STXBP5L: variants seen among roughly 807,000 people sequenced by gnomAD.
The protein encoded by STXBP5L is syntaxin-binding protein 5-like.
STXBP5L carries 65 observed loss-of-function variants against 144.5 expected under a neutral mutation model. The observed-to-expected ratio is 0.45, with a 90% CI of 0.37 to 0.55. The LOEUF is 0.55. Ranked by LOEUF, STXBP5L falls within the 20% of genes least tolerant of loss-of-function variation. STXBP5L has a pLI of 0.00. For missense variants in STXBP5L, 1,298 were observed against 1,405.5 expected, an observed-to-expected ratio of 0.92 and a Z score of 1.22; for synonymous variants, 505 against 469.6, an observed-to-expected ratio of 1.08 and a Z score of -0.97.
chr3:121,114,968 G>C lies in STXBP5L; in HGVS notation c.514G>C (p.Val172Leu). Reference sequence around the variant, plus strand: ...ACCTTTCCAGAGTAAATGGCTTTATGTTGGAACAGAAAGAGGAAATACACA... The same window carrying C: ...ACCTTTCCAGAGTAAATGGCTTTATCTTGGAACAGAAAGAGGAAATACACA... ...HLPFQSKWLY[V>L]GTERGNTHIV... Residue 172 changes from valine to leucine, a missense_variant, in exon 6 of 27, where the codon GTT (valine) becomes CTT (leucine). Val to Leu is a conservative substitution (Grantham distance 32). Transcript: ENST00000471454. The C allele has an allele frequency of 6.3e-7, 1 of 1,597,568 alleles. No homozygotes were observed. Among genetic ancestry groups the C allele is most frequent in the Non-Finnish European group, 8.5e-7 (1 of 1,173,422 alleles).
At chr3:120,995,041 C>A (rs1234005785) in intron 3 of STXBP5L, among the ~76,000 whole-genome samples, 1 of 152,020 alleles carries the variant, frequency 6.6e-6, no homozygotes, top group African/African-American at 2.4e-5. Context: ...ATTTCCTCAA[C>A]CTACTTTTAA....
chr3:121,030,274 A>C (rs749323209), intron 3 of STXBP5L, among the ~76,000 whole-genome samples: 9 of 152,220 alleles, frequency 5.9e-5, no homozygotes, highest in Non-Finnish European at 1.2e-4. Context: ...ACTCGGAACC[A>C]ACCCAAATGC....
chr3:121,007,779 A>G (rs1402105303), intron 3 of STXBP5L, among the ~76,000 whole-genome samples: 1 of 152,046 alleles, frequency 6.6e-6, no homozygotes, highest in Admixed American at 6.6e-5. Context: ...CCCTGCCTGC[A>G]TAGAAATTGT....
At chr3:121,195,253 C>G (rs1283132609) in intron 9 of STXBP5L, among the ~76,000 whole-genome samples, 2 of 152,054 alleles carry the variant, frequency 1.3e-5, no homozygotes, top group African/African-American at 4.8e-5. Flanking sequence ...ATGTTAGTTT[C>G]TCTTCTTGTC....
chr3:121,191,309 T>G (rs1312822605), intron 9 of STXBP5L, among the ~76,000 whole-genome samples: 1 of 152,174 alleles, frequency 6.6e-6, no homozygotes, highest in Non-Finnish European at 1.5e-5. Context: ...AGGCTGAGGC[T>G]GGCAGATCAC....
intron 5 of STXBP5L, among the ~76,000 whole-genome samples, chr3:121,078,397 T>A (rs146885869): frequency 2.4e-4 from 36 of 152,342 alleles, no homozygotes; most frequent in African/African-American, 8.2e-4. Flanking sequence ...CCAATTGGTG[T>A]GTTTACAATC....
chr3:121,029,428 G>A (rs150132722), intron 3 of STXBP5L, among the ~76,000 whole-genome samples: 18,257 of 152,060 alleles, frequency 0.12, 1,151 homozygotes, highest in Non-Finnish European at 0.14. Context: ...CAAGAAATGG[G>A]GAAAGGATTC....
intron 3 of STXBP5L, among the ~76,000 whole-genome samples, chr3:121,013,996 T>C (rs1207751129): frequency 2.6e-5 from 4 of 152,128 alleles, no homozygotes; most frequent in Admixed American, 2.6e-4. Flanking sequence ...CATTGGTCTG[T>C]ATGTCTGTTT....
chr3:121,067,279 G>A (rs901004148), intron 5 of STXBP5L, among the ~76,000 whole-genome samples: 4 of 151,824 alleles, frequency 2.6e-5, no homozygotes, highest in Admixed American at 2.0e-4. Flanking sequence ...TGACTTTAGG[G>A]CCATAATTTT....
chr3:121,049,260 G>A (rs924751523), intron 5 of STXBP5L, among the ~76,000 whole-genome samples: 1 of 152,140 alleles, frequency 6.6e-6, no homozygotes, highest in African/African-American at 2.4e-5. Context: ...CAGTGGGGAA[G>A]GTTGTAGGGC....
chr3:121,366,314 G>A (rs1247373538), intron 20 of STXBP5L, among the ~76,000 whole-genome samples: 1 of 151,796 alleles, frequency 6.6e-6, no homozygotes, highest in Non-Finnish European at 1.5e-5. Flanking sequence ...TCTTACTTCT[G>A]TCTGGTTGGT....
At position 121,402,751 on chromosome 3, in the gene STXBP5L, A is replaced by G. The variant is rs189734779; in HGVS notation, c.2588-4492A>G. Among the ~76,000 whole-genome samples the G allele has an allele frequency of 4.2e-4, 64 of 152,226 alleles. 1 individual carries two copies. Among genetic ancestry groups the G allele is most frequent in the African/African-American group, 1.5e-3 (64 of 41,544 alleles). On this transcript the variant is annotated intron_variant, in intron 22 of 26. Coordinates refer to ENST00000471454, the MANE Select transcript of STXBP5L (RefSeq NM_001308330.2). ...CTAGGTAATCATACTATATTTTCCT[A>G]GTCCTTGCCCCTGCACTCCTGGACA...
chr3:121,076,755 C>A (rs1364911077), intron 5 of STXBP5L, among the ~76,000 whole-genome samples: 2 of 152,118 alleles, frequency 1.3e-5, no homozygotes, highest in African/African-American at 4.8e-5. Context: ...CCATTAAAAC[C>A]TTTTTTAAAG....
At chr3:121,046,312 G>T (rs1947513607) in intron 5 of STXBP5L, among the ~76,000 whole-genome samples, 1 of 152,048 alleles carries the variant, frequency 6.6e-6, no homozygotes, top group Non-Finnish European at 1.5e-5. Flanking sequence ...AAGGATATTG[G>T]CCTGAAGATT....
rs886998984 is a variant in STXBP5L at position 121,222,250 on chromosome 3, G to T, written c.957-753G>T. On this transcript the variant is annotated intron_variant, in intron 10 of 26. Transcript: ENST00000471454. ...AATGAAAAATGAAAAACTGTGAAAT[G>T]ACTTCATAATTTTCAGATAGCTATA... Among the ~76,000 whole-genome samples, 4 of 152,048 alleles carry T rather than the reference G, an allele frequency of 2.6e-5. No individual in the cohort carries two copies. The East Asian group carries it at 7.7e-4, about 29-fold the overall frequency.
In STXBP5L at chr3:121,420,497, C is replaced by T. The variant is rs928870521; in HGVS notation, c.*1400C>T. On this transcript the variant is annotated 3_prime_UTR_variant, in exon 27 of 27. Transcript: ENST00000471454. The stretch of plus-strand genomic sequence containing the variant: ...TTTTAAAGCTGGAATAAAGAATATC[C>T]TTAACATGATACAAGGTATCTATAA... The T allele has an allele frequency of 4.6e-5, 7 of 151,988 alleles. No individual in the cohort carries two copies. The highest frequency in any genetic ancestry group is 1.2e-4 in the African/African-American group (5 of 41,380). The allele number at this position is 151,988 out of a possible 1,614,324, so 9.4% of individuals were successfully genotyped here. A position where few individuals can be genotyped will look rare whatever the true frequency, so the allele number is the denominator to read the frequency against.
At chr3:121,006,488 G>C (rs1369969402) in intron 3 of STXBP5L, among the ~76,000 whole-genome samples, 1 of 152,102 alleles carries the variant, frequency 6.6e-6, no homozygotes, top group Non-Finnish European at 1.5e-5. Flanking sequence ...CACACTGATG[G>C]ATCTTGACTC....
At chr3:120,949,231 T>G (rs989003086) in intron 2 of STXBP5L, among the ~76,000 whole-genome samples, 3 of 152,002 alleles carry the variant, frequency 2.0e-5, no homozygotes, top group African/African-American at 2.4e-5. Context: ...TTCATGTCCT[T>G]TGCCCAATTT....
intron 20 of STXBP5L, among the ~76,000 whole-genome samples, chr3:121,377,391 G>C (rs942738842): frequency 3.3e-5 from 5 of 152,154 alleles, no homozygotes; most frequent in Non-Finnish European, 5.9e-5. Context: ...TTGTCAGAGT[G>C]AACAGGCAAC....
Sources: allele counts gnomAD v4.1 joint callset (sites outside exome capture counted in the v4.1 genomes callset), GRCh38; gene constraint gnomAD v4.1.1; transcripts MANE v1.5; gene names NCBI Gene and HGNC (gene_info 2026-07-23, HGNC 2026-07-21).